The following MIDN variants were observed in gnomAD, a reference collection of about 807,000 sequenced individuals.
MIDN encodes midnolin.
A neutral mutation model predicts 46.1 loss-of-function variants in MIDN; 26 were observed. The observed-to-expected ratio is 0.56, with a 90% CI of 0.41 to 0.78. The LOEUF (loss-of-function observed/expected upper bound fraction) is 0.78, where lower values mean the gene tolerates loss of function less well. Ranked by LOEUF, MIDN falls within the 30% of genes least tolerant of loss-of-function variation. The pLI is 0.00. For missense variants in MIDN, 850 were observed against 771.8 expected (o/e 1.10, Z -1.20); for synonymous variants, 432 against 343.3 (o/e 1.26, Z -2.86).
chr19:1,256,921 C>T, intron 8 of MIDN, 74 bp from the exon 9 acceptor site: 1 of 1,576,470 alleles, frequency 6.3e-7, no homozygotes, highest in Non-Finnish European at 8.6e-7. Context: ...GGGGCATTTG[C>T]TGGGGTCTGG....
Position 1,257,608 on chromosome 19 carries a change from A to G in MIDN, c.*336A>G, listed in dbSNP as rs1197845876. 3.5e-6 allele frequency: 1 copy of G among 289,470 alleles called. No individual in the cohort carries two copies. 17.9% of individuals were successfully genotyped at this position (289,470 alleles called of 1,614,324 possible). On this transcript the variant is annotated 3_prime_UTR_variant, in exon 9 of 9. Coordinates refer to ENST00000682408, the MANE Select transcript of MIDN (RefSeq NM_001388306.1). ...ACCTTCCCCAGCTCCAATATGTAGC[A>G]GTCTCTCTGGATGGCGGAGAGTGAA...
intron 6 of MIDN, 89 bp downstream of exon 6, chr19:1,254,567 A>C: frequency 1.5e-6 from 2 of 1,369,356 alleles, no homozygotes; most frequent in Non-Finnish European, 2.0e-6. Flanking sequence ...AAGGACTCTT[A>C]GTCCCAGGTG....
rs777283323 is a variant in MIDN, at chr19:1,251,906, G to A, written c.384+5G>A. The A allele has an allele frequency of 6.2e-7, 1 of 1,612,536 alleles. No individual in the cohort carries two copies. The highest frequency in any genetic ancestry group is 2.2e-5 in the East Asian group (1 of 44,852). On this transcript the variant is annotated splice_donor_5th_base_variant and intron_variant, in intron 4 of 8. Transcript: ENST00000682408. ...GAGAGTCTCACGGAGACGCAGGTAA[G>A]ACCTCGCCAGCCCCTTCCTAACAGG...
intron 4 of MIDN, chr19:1,253,538 T>A (rs956586517): frequency 6.5e-6 from 1 of 154,104 alleles, no homozygotes; most frequent in Non-Finnish European, 1.4e-5. Context: ...GGGGGCAGAT[T>A]GAGGGTTTCT....
intron 8 of MIDN, among the ~76,000 whole-genome samples, chr19:1,256,481 CAAAAAA>C (rs562682759): frequency 3.5e-5 from 2 of 56,520 alleles, no homozygotes; most frequent in Non-Finnish European, 7.5e-5. Context: ...GACTCCGTCT[CAAAAAA>C]AAAAAAAAAA....
rs535163913 is a variant in MIDN at position 1,251,723 on chromosome 19, C to T, written c.321+74C>T. The stretch of plus-strand genomic sequence containing the variant: ...AGTAGCCCCTCCCTCGGTACCTGTC[C>T]GCACACACACTACCTGGGGCCCCCA... On this transcript the variant is annotated intron_variant, in intron 3 of 8. Coordinates refer to ENST00000682408, the MANE Select transcript of MIDN (RefSeq NM_001388306.1). 4.0e-5 allele frequency: 60 copies of T among 1,516,754 alleles called. No homozygotes were observed. The African/African-American group carries it at 6.5e-4, about 16-fold the overall frequency. The allele number at this position is 1,516,754 out of a possible 1,614,324, so 94.0% of individuals were successfully genotyped here. A position where few individuals can be genotyped will look rare whatever the true frequency, so the allele number is the denominator to read the frequency against.
intron 2 of MIDN, chr19:1,251,296 C>A: frequency 4.1e-6 from 2 of 486,212 alleles, no homozygotes; most frequent in Non-Finnish European, 7.3e-6. Flanking sequence ...GGAGAAAGTG[C>A]CTGGTTGGGG....
rs1005436891 is a variant in MIDN at position 1,249,998 on chromosome 19, C to G, written c.-299C>G. 6.6e-6 allele frequency: 1 copy of G among 152,140 alleles called. No individual in the cohort carries two copies. 9.4% of individuals were successfully genotyped at this position (152,140 alleles called of 1,614,324 possible). A position where few individuals can be genotyped will look rare whatever the true frequency, so the allele number is the denominator to read the frequency against. On this transcript the variant is annotated 5_prime_UTR_variant, in exon 2 of 9. Coordinates refer to ENST00000682408, the MANE Select transcript of MIDN (RefSeq NM_001388306.1). ...CCACCAGCCGAGCGGCGCCCCCTCCCCAGGACCCTTAACCGCGCCGCGTCC... is the reference window on the plus strand; with the variant it reads ...CCACCAGCCGAGCGGCGCCCCCTCCGCAGGACCCTTAACCGCGCCGCGTCC...
intron 8 of MIDN, among the ~76,000 whole-genome samples, chr19:1,256,647 G>T (rs2081202731): frequency 6.6e-6 from 1 of 152,128 alleles, no homozygotes; most frequent in Non-Finnish European, 1.5e-5. Flanking sequence ...CTGCGTAGCT[G>T]GGACTCCAGG....
chr19:1,256,004 G>A (rs561677201), intron 8 of MIDN, among the ~76,000 whole-genome samples: 21 of 152,342 alleles, frequency 1.4e-4, no homozygotes, highest in Non-Finnish European at 1.5e-5. Context: ...AGGCCGAGGC[G>A]GGGCCAGAGC....
chr19:1,251,024 C>A (rs927009570), intron 2 of MIDN, among the ~76,000 whole-genome samples: 1 of 151,612 alleles, frequency 6.6e-6, no homozygotes, highest in Non-Finnish European at 1.5e-5. Context: ...TCCGGGGACA[C>A]GCAGTGTCCA....
At position 1,257,138 on chromosome 19, in the gene MIDN, G is replaced by C. The variant is rs147781717; in HGVS notation, c.1402G>C (p.Gly468Arg). 2.2e-5 allele frequency: 36 copies of C among 1,611,390 alleles called. No homozygotes were observed. Among genetic ancestry groups the C allele is most frequent in the Non-Finnish European group, 2.9e-5 (34 of 1,179,144 alleles). The change falls in exon 9 of 9, where the codon GGC (glycine) becomes CGC (arginine). Residue 468 changes from glycine (G) to arginine (R), a missense_variant. Transcript: ENST00000682408. ...CCACTGGTCACCCAGCCGCAAGGCC[G>C]GCCGCAGCGACAGCAGTAGCAGCGG... ...PYHWSPSRKAGRSDSSSSGGG... is the reference protein window; with the variant it reads ...PYHWSPSRKARRSDSSSSGGG...
In MIDN at chr19:1,257,089, C is replaced by T. The variant is rs1415774376; in HGVS notation, c.1353C>T (p.Ala451=). The change falls in exon 9 of 9, where the codon GCC becomes GCT. Residue 451 remains alanine (A), a synonymous_variant. Transcript: ENST00000682408. ...LLQQKRLRRK[A]RRDARGPYHW... is the part of the protein sequence containing the mutation. ...AGCAGAAACGGCTCCGTAGAAAGGC[C>T]CGGCGGGACGCGCGGGGTCCGTACC... 4 of 1,612,256 alleles carry T rather than the reference C, an allele frequency of 2.5e-6. No individual in the cohort carries two copies. Among genetic ancestry groups the T allele is most frequent in the Non-Finnish European group, 3.4e-6 (4 of 1,179,806 alleles).
Position 1,254,351 on chromosome 19 carries a change from C to T in MIDN, c.698C>T (p.Ser233Leu), listed in dbSNP as rs759182331. 3.8e-5 allele frequency: 59 copies of T among 1,563,872 alleles called. No homozygotes were observed. The highest frequency in any genetic ancestry group is 7.0e-5 in the East Asian group (3 of 42,622). ...CCCAGCATAGCCTCCCCCGTGTCCT[C>T]GCCCTGCCGGCCGGTGTCCAGTGCC... ...GDPSIASPVS[S>L]PCRPVSSAAR... is the part of the protein sequence containing the mutation. Residue 233 changes from serine (S) to leucine (L), a missense_variant, in exon 6 of 9, where the codon TCG (serine) becomes TTG (leucine). Ser to Leu is a moderately radical substitution (Grantham distance 145, BLOSUM62 -2). Coordinates refer to ENST00000682408, the MANE Select transcript of MIDN (RefSeq NM_001388306.1).
chr19:1,254,874 G>A lies in MIDN; in HGVS notation c.826-28G>A, dbSNP rs200364770. 35 of 1,582,462 alleles carry A rather than the reference G, an allele frequency of 2.2e-5. No individual in the cohort carries two copies. The East Asian group carries it at 2.9e-4, about 13-fold the overall frequency. On this transcript the variant is annotated intron_variant, in intron 6 of 8. Coordinates refer to ENST00000682408, the MANE Select transcript of MIDN (RefSeq NM_001388306.1). ...TGGTGATCCCCTGATCCTGGACCCC[G>A]TGCTCATGTGCCCCTTCCTCCCATC...
rs1259990911 is a variant in MIDN at position 1,258,986 on chromosome 19, A to C, written c.*1714A>C. Reference sequence around the variant, plus strand: ...CCGGCTCGCCACCCTCTGCCCGGTAAGGGCTGCCCAAGAAAGCATTACCCG... The same window carrying C: ...CCGGCTCGCCACCCTCTGCCCGGTACGGGCTGCCCAAGAAAGCATTACCCG... On this transcript the variant is annotated 3_prime_UTR_variant, in exon 9 of 9. Transcript: ENST00000682408. 1 of 151,202 alleles carries C rather than the reference A, an allele frequency of 6.6e-6. No individual in the cohort carries two copies. Among genetic ancestry groups the C allele is most frequent in the Non-Finnish European group, 1.5e-5 (1 of 67,840 alleles). 9.4% of individuals were successfully genotyped at this position (151,202 alleles called of 1,614,324 possible).
At position 1,257,441 on chromosome 19, in the gene MIDN, A is replaced by C. The variant is rs1312324150; in HGVS notation, c.*169A>C. 3 of 597,514 alleles carry C rather than the reference A, an allele frequency of 5.0e-6. No homozygotes were observed. The highest frequency in any genetic ancestry group is 8.7e-6 in the Non-Finnish European group (3 of 342,912). The allele number at this position is 597,514 out of a possible 1,614,324, so 37.0% of individuals were successfully genotyped here. A position where few individuals can be genotyped will look rare whatever the true frequency, so the allele number is the denominator to read the frequency against. On this transcript the variant is annotated 3_prime_UTR_variant, in exon 9 of 9. Coordinates refer to ENST00000682408, the MANE Select transcript of MIDN (RefSeq NM_001388306.1). ...TTATTATTTTTTTCTTTTTTTAAAA[A>C]GTTCTGACCGTGGTTTCCTGGACTC... is the stretch of plus-strand genomic sequence containing the variant.
intron 4 of MIDN, among the ~76,000 whole-genome samples, chr19:1,252,767 A>G (rs936760394): frequency 1.4e-4 from 21 of 152,024 alleles, no homozygotes; most frequent in African/African-American, 4.8e-4. Flanking sequence ...TCCCAGCGGC[A>G]TGTAGAGTCC....
At chr19:1,252,087 C>G (rs1181403927) in intron 4 of MIDN, among the ~76,000 whole-genome samples, 186 bp downstream of exon 4, 1 of 152,204 alleles carries the variant, frequency 6.6e-6, no homozygotes, top group Non-Finnish European at 1.5e-5. Context: ...CACCACCTGA[C>G]CCGGAGGGCT....
Sources: allele counts gnomAD v4.1 joint callset (sites outside exome capture counted in the v4.1 genomes callset), GRCh38; gene constraint gnomAD v4.1.1; transcripts MANE v1.5; gene names NCBI Gene and HGNC (gene_info 2026-07-23, HGNC 2026-07-21).